VTI1A: variants seen among roughly 807,000 people sequenced by gnomAD.
VTI1A encodes the protein vesicle transport through interaction with t-SNAREs homolog 1A.
VTI1A carries 22 observed loss-of-function variants against 34.9 expected under a neutral mutation model. The ratio of observed to expected loss-of-function variants is 0.63; its 90% CI spans 0.45 to 0.90. The LOEUF is 0.90. VTI1A is among the 40% of genes least tolerant of loss of function. VTI1A has a pLI of 0.00. For missense variants in VTI1A, 268 were observed against 275.6 expected, an observed-to-expected ratio of 0.97 and a Z score of 0.20; for synonymous variants, 87 against 97.3, an observed-to-expected ratio of 0.89 and a Z score of 0.62.
intron 7 of VTI1A, among the ~76,000 whole-genome samples, chr10:112,798,892 T>A (rs982182376): frequency 2.6e-5 from 4 of 152,066 alleles, no homozygotes; most frequent in Non-Finnish European, 5.9e-5. Flanking sequence ...ATGCACACCA[T>A]CCTCCCCTAG....
intron 7 of VTI1A, among the ~76,000 whole-genome samples, chr10:112,776,791 C>T (rs1851967114): frequency 6.6e-6 from 1 of 151,214 alleles, no homozygotes; most frequent in Non-Finnish European, 1.5e-5. Context: ...AATTCTCCTG[C>T]CTCAGCCTCC....
At chr10:112,781,796 A>G (rs2134039354) in intron 7 of VTI1A, among the ~76,000 whole-genome samples, 1 of 152,222 alleles carries the variant, frequency 6.6e-6, no homozygotes, top group African/African-American at 2.4e-5. Context: ...CGGAGCTTGC[A>G]GTGAGCCAAG....
At chr10:112,761,118 C>T (rs1404534267) in intron 7 of VTI1A, among the ~76,000 whole-genome samples, 1 of 152,036 alleles carries the variant, frequency 6.6e-6, no homozygotes, top group East Asian at 1.9e-4. Flanking sequence ...TCATGCATAC[C>T]ATGGACTGTA....
intron 3 of VTI1A, among the ~76,000 whole-genome samples, chr10:112,504,887 A>G (rs1003387750): frequency 1.4e-4 from 21 of 150,702 alleles, no homozygotes; most frequent in African/African-American, 4.9e-4. Context: ...GCAAGATGGA[A>G]TGTCTTTTTA....
chr10:112,454,157 A>G (rs1847345486), intron 1 of VTI1A, among the ~76,000 whole-genome samples: 1 of 152,218 alleles, frequency 6.6e-6, no homozygotes, highest in Non-Finnish European at 1.5e-5. Context: ...AAGTACATAC[A>G]TAATTTCTGC....
At chr10:112,703,339 G>A (rs1037344409) in intron 7 of VTI1A, among the ~76,000 whole-genome samples, 2 of 152,084 alleles carry the variant, frequency 1.3e-5, no homozygotes, top group African/African-American at 4.8e-5. Context: ...AGGCCAAGGC[G>A]GGCGGATCAC....
chr10:112,671,307 G>A (rs762475685), intron 7 of VTI1A, among the ~76,000 whole-genome samples: 9 of 152,080 alleles, frequency 5.9e-5, no homozygotes, highest in Non-Finnish European at 8.8e-5. Flanking sequence ...TAGCTATATC[G>A]TGTGTCAACA....
intron 5 of VTI1A, among the ~76,000 whole-genome samples, chr10:112,635,245 C>T (rs1386499730): frequency 6.6e-6 from 1 of 152,176 alleles, no homozygotes; most frequent in Non-Finnish European, 1.5e-5. Context: ...GGAGATGAGA[C>T]AGCGTGCTGA....
At chr10:112,835,581 G>T in the VTI1A span, among the ~76,000 whole-genome samples, 1 of 152,196 alleles carries the variant, frequency 6.6e-6, no homozygotes, top group South Asian at 2.1e-4. Flanking sequence ...GTAATCCTGG[G>T]GAAATGATAC....
chr10:112,805,033 T>TTC (rs1457374794), intron 7 of VTI1A, among the ~76,000 whole-genome samples: 1 of 151,660 alleles, frequency 6.6e-6, no homozygotes, highest in African/African-American at 2.4e-5. Flanking sequence ...GCTATTTTTT[T>TTC]TTTTTACTTT....
chr10:112,805,374 A>G (rs1308987875), intron 7 of VTI1A, among the ~76,000 whole-genome samples: 2 of 152,348 alleles, frequency 1.3e-5, no homozygotes, highest in African/African-American at 2.4e-5. Flanking sequence ...TAAAGATTGT[A>G]TTGGAACACA....
At chr10:112,711,642 C>T (rs1022274210) in intron 7 of VTI1A, among the ~76,000 whole-genome samples, 2 of 152,298 alleles carry the variant, frequency 1.3e-5, no homozygotes, top group South Asian at 2.1e-4. Flanking sequence ...TTCCCACACA[C>T]GGTTGGTGTA....
At chr10:112,536,668 G>C (rs1850629045) in intron 4 of VTI1A, among the ~76,000 whole-genome samples, 1 of 151,514 alleles carries the variant, frequency 6.6e-6, no homozygotes, top group Admixed American at 6.6e-5. Context: ...AATTATGATA[G>C]ACTGTTGTTG....
chr10:112,770,195 A>G lies in VTI1A; in HGVS notation c.561-45095A>G, dbSNP rs550282999. On this transcript the variant is annotated intron_variant, in intron 7 of 7. Coordinates refer to ENST00000393077, the MANE Select transcript of VTI1A (RefSeq NM_145206.4). ...TGTTTGACACTTTTATTCCACAGTTATTGAATTCCAACTGGATGCTGGTAC... is the reference window on the plus strand; with the variant it reads ...TGTTTGACACTTTTATTCCACAGTTGTTGAATTCCAACTGGATGCTGGTAC... Among the ~76,000 whole-genome samples, 6 of 152,126 alleles carry G rather than the reference A, an allele frequency of 3.9e-5. No homozygotes were observed. The South Asian group carries it at 1.2e-3, about 32-fold the overall frequency.
chr10:112,680,695 A>C (rs1156577638), intron 7 of VTI1A, among the ~76,000 whole-genome samples: 1 of 152,230 alleles, frequency 6.6e-6, no homozygotes, highest in African/African-American at 2.4e-5. Context: ...GCTACATAGT[A>C]AGTGAGAGAT....
chr10:112,737,044 T>G (rs1850507735), intron 7 of VTI1A: 2 of 458,552 alleles, frequency 4.4e-6, no homozygotes, highest in South Asian at 4.8e-5. Flanking sequence ...ACCCATTACA[T>G]AGTGGACAAT....
At chr10:112,819,501 A>G (rs1057074781), downstream of VTI1A, among the ~76,000 whole-genome samples, 3 of 151,934 alleles carry the variant, frequency 2.0e-5, no homozygotes, top group African/African-American at 7.3e-5. Flanking sequence ...ATCTTAAAGG[A>G]AGATGTGTGT....
chr10:112,520,181 T>C (rs1433086282), intron 3 of VTI1A, among the ~76,000 whole-genome samples: 2 of 152,060 alleles, frequency 1.3e-5, no homozygotes, highest in Non-Finnish European at 2.9e-5. Flanking sequence ...AGGATGAGAT[T>C]TCCTCCACTG....
At chr10:112,709,723 C>G (rs1365096696) in intron 7 of VTI1A, among the ~76,000 whole-genome samples, 3 of 79,424 alleles carry the variant, frequency 3.8e-5, no homozygotes, top group African/African-American at 1.0e-4. Flanking sequence ...GATAGTTTTG[C>G]TCTGTTGCCC....
Sources: allele counts gnomAD v4.1 joint callset (sites outside exome capture counted in the v4.1 genomes callset), GRCh38; gene constraint gnomAD v4.1.1; transcripts MANE v1.5; gene names NCBI Gene and HGNC (gene_info 2026-07-23, HGNC 2026-07-21).